ADGRA3: variants seen among roughly 807,000 people sequenced by gnomAD.
ADGRA3 encodes the protein G-protein coupled receptor 125.
ADGRA3 carries 56 observed loss-of-function variants against 119.8 expected under a neutral mutation model. The observed-to-expected ratio is 0.47, with a 90% CI of 0.38 to 0.58. The LOEUF (loss-of-function observed/expected upper bound fraction) is 0.58. Among genes scored for constraint, ADGRA3 ranks in the 20% least tolerant of loss-of-function variants. The pLI, the probability that ADGRA3 is intolerant of heterozygous loss-of-function variation, is 0.00. For missense variants in ADGRA3, 1,516 were observed against 1,649.0 expected, an observed-to-expected ratio of 0.92 and a Z score of 1.40; for synonymous variants, 607 against 623.8, an observed-to-expected ratio of 0.97 and a Z score of 0.40.
intron 4 of ADGRA3, among the ~76,000 whole-genome samples, chr4:22,452,255 T>C (rs562242888): frequency 2.0e-5 from 3 of 152,196 alleles, no homozygotes; most frequent in African/African-American, 7.2e-5. Context: ...ATCACATGCA[T>C]GAGGGGGTAG....
chr4:22,435,707 G>C (rs1184025609), intron 9 of ADGRA3, among the ~76,000 whole-genome samples: 1 of 152,102 alleles, frequency 6.6e-6, no homozygotes, highest in African/African-American at 2.4e-5. Context: ...AATACATGAG[G>C]TTAACATGTT....
intron 15 of ADGRA3, among the ~76,000 whole-genome samples, chr4:22,402,099 C>T (rs2306135): frequency 0.077 from 11,770 of 152,166 alleles, 820 homozygotes; most frequent in East Asian, 0.29. Context: ...AACAGGAAGA[C>T]ACATTCTAGC....
intron 12 of ADGRA3, chr4:22,414,224 T>A: frequency 4.6e-6 from 1 of 215,276 alleles, no homozygotes; most frequent in South Asian, 1.1e-4. Flanking sequence ...ATAATTAATT[T>A]GGGCTTATGG....
Position 22,461,792 on chromosome 4 carries a change from G to A in ADGRA3, c.346C>T (p.Leu116Phe). ...LLERLDLRNN[L>F]ISSIDPGAFW... ...GCACCTGGATCTATACTACTAATAA[G>A]ATTGTTTCGGAGGTCCCTGTTAAAA... is the stretch of plus-strand genomic sequence containing the variant. The change falls in exon 3 of 19, where the codon CTT becomes TTT. Residue 116 changes from leucine to phenylalanine, a missense_variant. By Grantham distance (22) the Leu-to-Phe change is conservative. Coordinates refer to ENST00000334304, the MANE Select transcript of ADGRA3 (RefSeq NM_145290.4). 6.2e-7 allele frequency: 1 copy of A among 1,603,482 alleles called. No homozygotes were observed. The highest frequency in any genetic ancestry group is 8.5e-7 in the Non-Finnish European group (1 of 1,172,814).
At chr4:22,484,978 CT>C (rs1233996091) in intron 1 of ADGRA3, among the ~76,000 whole-genome samples, 1 of 152,082 alleles carries the variant, frequency 6.6e-6, no homozygotes, top group Non-Finnish European at 1.5e-5. Flanking sequence ...TAACGTTCTG[CT>C]TTGAATTGTG....
chr4:22,456,896 C>G lies in ADGRA3; in HGVS notation c.402-1959G>C, dbSNP rs553017200. ...TTTATCTGTCCTCGTTTTTCTGTAG[C>G]TCCTAAGTATTTAATCACGTGGGAC... is the stretch of plus-strand genomic sequence containing the variant. On this transcript the variant is annotated intron_variant, in intron 3 of 18. Transcript: ENST00000334304. Among the ~76,000 whole-genome samples the G allele has an allele frequency of 1.1e-4, 16 of 152,300 alleles. No individual in the cohort carries two copies. In the South Asian group the frequency reaches 1.2e-3, roughly 12 times the overall value.
intron 3 of ADGRA3, among the ~76,000 whole-genome samples, chr4:22,457,925 C>T (rs112554018): frequency 1.3e-5 from 2 of 152,234 alleles, no homozygotes; most frequent in African/African-American, 4.8e-5. Context: ...TATATCTCAG[C>T]ATAGAGATAA....
chr4:22,407,095 C>A (rs1024060012), intron 14 of ADGRA3, among the ~76,000 whole-genome samples: 1 of 152,038 alleles, frequency 6.6e-6, no homozygotes, highest in African/African-American at 2.4e-5. Flanking sequence ...CACAGTGAAA[C>A]CCCGTCTCTA....
chr4:22,395,413 A>G lies in ADGRA3; in HGVS notation c.2482-2723T>C, dbSNP rs143579610. On this transcript the variant is annotated intron_variant, in intron 16 of 18. Coordinates refer to ENST00000334304, the MANE Select transcript of ADGRA3 (RefSeq NM_145290.4). ...AACAATTAAAATATTAACAGCTTCC[A>G]TTAATAAATGCCTGCTATGTATCCA... Among the ~76,000 whole-genome samples, 280 of 152,362 alleles carry G rather than the reference A, an allele frequency of 1.8e-3. 1 individual carries two copies. Among genetic ancestry groups the G allele is most frequent in the African/African-American group, 6.3e-3 (263 of 41,598 alleles).
intron 14 of ADGRA3, among the ~76,000 whole-genome samples, chr4:22,407,353 TGAGA>T (rs762580028): frequency 6.6e-6 from 1 of 152,020 alleles, no homozygotes; most frequent in Non-Finnish European, 1.5e-5. Context: ...AGCTCTACAA[TGAGA>T]GAGAGAAAGC....
intron 4 of ADGRA3, among the ~76,000 whole-genome samples, chr4:22,453,886 T>C (rs1384372660): frequency 6.6e-6 from 1 of 152,158 alleles, no homozygotes; most frequent in Non-Finnish European, 1.5e-5. Context: ...AGTCTTGCTC[T>C]GTCACCCACA....
intron 1 of ADGRA3, among the ~76,000 whole-genome samples, chr4:22,475,834 G>A (rs960965694): frequency 1.3e-5 from 2 of 152,090 alleles, no homozygotes; most frequent in African/African-American, 4.8e-5. Context: ...AGTGTATACT[G>A]CTCGGGTGAT....
chr4:22,408,814 C>T (rs1019141454), intron 14 of ADGRA3, among the ~76,000 whole-genome samples: 1 of 152,150 alleles, frequency 6.6e-6, no homozygotes, highest in African/African-American at 2.4e-5. Context: ...AAAACATATA[C>T]ATGAGTACTC....
rs17531579 is a variant in ADGRA3, at chr4:22,412,985, T to C, written c.2232+197A>G. 0.03 allele frequency among the ~76,000 whole-genome samples: 4,610 copies of C among 152,060 alleles called. 249 individuals are homozygous for C. Among genetic ancestry groups the C allele is most frequent in the African/African-American group, 0.11 (4,362 of 41,428 alleles). On this transcript the variant is annotated intron_variant, in intron 14 of 18. Transcript: ENST00000334304. ...ATATACCAAACTCAATCCCATACAT[T>C]TCACTTGGTAGTAACTTAATTTCCC... is the stretch of plus-strand genomic sequence containing the variant.
In ADGRA3 at chr4:22,388,811, CCTT is replaced by C. The variant is rs1404408133; in HGVS notation, c.2857_2859del (p.Lys953del). The stretch of plus-strand genomic sequence containing the variant: ...AATCTCTGTTGCTCCTCCGTGGGCT[CCTT>C]AAGCTCATATTTGCGCTCAGGGTGT... On this transcript the variant is annotated inframe_deletion, in exon 19 of 19. Coordinates refer to ENST00000334304, the MANE Select transcript of ADGRA3 (RefSeq NM_145290.4). 1 of 1,614,034 alleles carries C rather than the reference CCTT, an allele frequency of 6.2e-7. No individual in the cohort carries two copies. Among genetic ancestry groups the C allele is most frequent in the East Asian group, 2.2e-5 (1 of 44,870 alleles).
intron 1 of ADGRA3, among the ~76,000 whole-genome samples, chr4:22,514,914 C>T (rs1284716452): frequency 6.6e-6 from 1 of 152,130 alleles, no homozygotes; most frequent in African/African-American, 2.4e-5. Context: ...TAAATATAAG[C>T]CCTCACAGAC....
chr4:22,389,279 GATTA>G (rs1481984907), intron 17 of ADGRA3, 96 bp from the exon 18 acceptor site: 18 of 798,232 alleles, frequency 2.3e-5, no homozygotes, highest in Middle Eastern at 2.5e-4. Flanking sequence ...ATTCCCTGAA[GATTA>G]ATTATTATCT....
chr4:22,472,261 A>C (rs1459008763), intron 2 of ADGRA3, among the ~76,000 whole-genome samples: 1 of 152,186 alleles, frequency 6.6e-6, no homozygotes, highest in Non-Finnish European at 1.5e-5. Context: ...ACATAATAGG[A>C]ATGTACTGTC....
At chr4:22,505,128 A>G (rs1023924519) in intron 1 of ADGRA3, among the ~76,000 whole-genome samples, 1 of 152,142 alleles carries the variant, frequency 6.6e-6, no homozygotes, top group African/African-American at 2.4e-5. Context: ...TATCTGTGTC[A>G]TGGCATGAAA....
Sources: gnomAD v4.1 joint callset for allele counts (sites outside exome capture counted in the v4.1 genomes callset) on GRCh38, gnomAD v4.1.1 for gene constraint, MANE v1.5 for transcripts, NCBI Gene and HGNC (gene_info 2026-07-23, HGNC 2026-07-21) for gene names.